CYP4X1: variants seen among roughly 807,000 people sequenced by gnomAD.
CYP4X1 encodes cytochrome P450 family 4 subfamily X member 1.
Under a neutral mutation model 57.9 loss-of-function variants are expected in CYP4X1, and 44 were observed. That is an observed-to-expected ratio of 0.76 (90% confidence interval 0.60 to 0.98). CYP4X1 has a LOEUF of 0.98. Among genes scored for constraint, CYP4X1 ranks in the 50% least tolerant of loss-of-function variants. The pLI, the probability that CYP4X1 is intolerant of heterozygous loss-of-function variation, is 0.00. For synonymous variants in CYP4X1, 227 were observed against 228.6 expected (o/e 0.99, Z 0.06); for missense variants, 532 against 623.9 (o/e 0.85, Z 1.57).
chr1:47,030,777 C>A (rs1644116292), intron 2 of CYP4X1, among the ~76,000 whole-genome samples: 1 of 152,202 alleles, frequency 6.6e-6, no homozygotes, highest in Non-Finnish European at 1.5e-5. Context: ...TGCATTGTAT[C>A]CACCACTCCT....
chr1:47,023,209 G>C (rs1474730677), upstream of CYP4X1, among the ~76,000 whole-genome samples: 1 of 152,200 alleles, frequency 6.6e-6, no homozygotes, highest in African/African-American at 2.4e-5. Flanking sequence ...ATTACTATAT[G>C]ATGGTACGCT....
At chr1:47,004,775 A>G in the CYP4X1 span, among the ~76,000 whole-genome samples, 1 of 152,126 alleles carries the variant, frequency 6.6e-6, no homozygotes, top group African/African-American at 2.4e-5. Context: ...TATCTTTTCC[A>G]GTTGTGGTCC....
chr1:46,996,225 C>T, the CYP4X1 span, among the ~76,000 whole-genome samples: 106 of 152,250 alleles, frequency 7.0e-4, 2 homozygotes, highest in East Asian at 0.018. Context: ...CTAGTGTCCC[C>T]CTGTTGGTAA....
chr1:47,051,173 A>G (rs1644357646), downstream of CYP4X1, among the ~76,000 whole-genome samples: 1 of 152,192 alleles, frequency 6.6e-6, no homozygotes, highest in South Asian at 2.1e-4. Context: ...AATCAAAACC[A>G]CAATGAGATA....
the CYP4X1 span, among the ~76,000 whole-genome samples, chr1:47,005,104 G>A: frequency 6.6e-6 from 1 of 152,112 alleles, no homozygotes; most frequent in African/African-American, 2.4e-5. Flanking sequence ...GACCTCAAAG[G>A]GGGATGCCCT....
chr1:47,025,664 C>T (rs1644055107), intron 1 of CYP4X1, among the ~76,000 whole-genome samples: 1 of 152,148 alleles, frequency 6.6e-6, no homozygotes, highest in South Asian at 2.1e-4. Flanking sequence ...TCTTCCTTTT[C>T]TAATCTGCTT....
the CYP4X1 span, among the ~76,000 whole-genome samples, chr1:46,979,743 A>T: frequency 6.6e-6 from 1 of 152,184 alleles, no homozygotes; most frequent in Non-Finnish European, 1.5e-5. Context: ...ATACTGGCAA[A>T]CCGAATCCAG....
intron 3 of CYP4X1, 111 bp from the exon 4 acceptor site, chr1:47,033,130 G>C: frequency 8.3e-7 from 1 of 1,200,770 alleles, no homozygotes; most frequent in South Asian, 1.6e-5. Flanking sequence ...ATACTCCACT[G>C]TTGCATGACT....
chr1:47,003,617 CA>C, the CYP4X1 span, among the ~76,000 whole-genome samples: 1 of 152,114 alleles, frequency 6.6e-6, no homozygotes, highest in Non-Finnish European at 1.5e-5. Context: ...AAAGTGGGAG[CA>C]GGCACATCAC....
chr1:46,962,995 A>G, the CYP4X1 span, among the ~76,000 whole-genome samples: 11 of 152,112 alleles, frequency 7.2e-5, no homozygotes, highest in Admixed American at 2.0e-4. Flanking sequence ...TGATCCCTTT[A>G]CCATTATATA....
chr1:46,984,698 G>A, the CYP4X1 span, among the ~76,000 whole-genome samples: 7 of 152,160 alleles, frequency 4.6e-5, no homozygotes, highest in Non-Finnish European at 5.9e-5. Flanking sequence ...CTTTTCCCAC[G>A]GTCTTCGCAA....
chr1:46,990,453 G>A, the CYP4X1 span, among the ~76,000 whole-genome samples: 1 of 152,174 alleles, frequency 6.6e-6, no homozygotes, highest in Non-Finnish European at 1.5e-5. Context: ...TTGTTGATGG[G>A]ACTGTAAATT....
the CYP4X1 span, among the ~76,000 whole-genome samples, chr1:46,983,992 G>A: frequency 4.6e-5 from 7 of 152,124 alleles, no homozygotes; most frequent in African/African-American, 1.7e-4. Flanking sequence ...CTTGTTGGCA[G>A]AGCTACAGCA....
chr1:47,014,000 C>A, the CYP4X1 span, among the ~76,000 whole-genome samples: 2 of 152,070 alleles, frequency 1.3e-5, no homozygotes, highest in Non-Finnish European at 2.9e-5. Flanking sequence ...GTCTCAAACT[C>A]CTGACCTCAG....
the CYP4X1 span, among the ~76,000 whole-genome samples, chr1:46,985,232 G>A: frequency 2.0e-5 from 3 of 152,186 alleles, no homozygotes; most frequent in South Asian, 2.1e-4. Flanking sequence ...GGAAGCTGAG[G>A]CAGGAGAATG....
rs190394183 is a variant in CYP4X1 at position 47,048,572 on chromosome 1, C to T, written c.1215C>T (p.Thr405=). The T allele has an allele frequency of 7.4e-6, 12 of 1,614,130 alleles. No homozygotes were observed. Among genetic ancestry groups the T allele is most frequent in the East Asian group, 4.5e-5 (2 of 44,882 alleles). ...ATTTCCCTCCTTTCTTAGGGATCAC[C>T]GTGGTTCTTAGTATTTGGGGTCTTC... The part of the protein sequence containing the change: ...PDGCTLPAGI[T]VVLSIWGLHH... The change falls in exon 10 of 12, where the codon ACC becomes ACT. Residue 405 remains threonine (T), a synonymous_variant. Coordinates refer to ENST00000371901, the MANE Select transcript of CYP4X1 (RefSeq NM_178033.2).
At chr1:47,010,027 T>C in the CYP4X1 span, among the ~76,000 whole-genome samples, 2 of 152,124 alleles carry the variant, frequency 1.3e-5, no homozygotes, top group African/African-American at 4.8e-5. Context: ...TTCCAATCAA[T>C]AGAGAAAGAG....
intron 2 of CYP4X1, among the ~76,000 whole-genome samples, 181 bp from the exon 3 acceptor site, chr1:47,031,255 T>C (rs961300750): frequency 3.9e-5 from 6 of 152,242 alleles, no homozygotes; most frequent in African/African-American, 1.4e-4. Flanking sequence ...TCTCTGAAAC[T>C]GAGCCAAGAC....
upstream of CYP4X1, among the ~76,000 whole-genome samples, chr1:47,019,559 T>A (rs1359128710): frequency 6.6e-6 from 1 of 152,254 alleles, no homozygotes; most frequent in Non-Finnish European, 1.5e-5. Context: ...TGGAGGCCTG[T>A]ATTAGTGAGA....
Sources: allele counts gnomAD v4.1 joint callset (sites outside exome capture counted in the v4.1 genomes callset), GRCh38; gene constraint gnomAD v4.1.1; transcripts MANE v1.5; gene names NCBI Gene and HGNC (gene_info 2026-07-23, HGNC 2026-07-21).